Variants in KAZN observed in about 807,000 individuals in gnomAD.
KAZN encodes kazrin, periplakin interacting protein.
Under a neutral mutation model 87.4 loss-of-function variants are expected in KAZN, and 40 were observed. That is an observed-to-expected ratio of 0.46 (90% confidence interval 0.36 to 0.60). The LOEUF is 0.60. Ranked by LOEUF, KAZN falls within the 20% of genes least tolerant of loss-of-function variation. The probability of loss-of-function intolerance (pLI) is 0.00; values close to 1 mark genes in which losing one functional copy is unlikely to be tolerated. For synonymous variants in KAZN, 466 were observed against 458.3 expected (o/e 1.02, Z -0.22); for missense variants, 898 against 1,073.9 (o/e 0.84, Z 2.29).
Position 14,720,207 on chromosome 1 carries a change from C to G in KAZN, c.226+120984C>G, listed in dbSNP as rs149645194. On this transcript the variant is annotated intron_variant, in intron 1 of 14. Coordinates refer to ENST00000376030, the MANE Select transcript of KAZN (RefSeq NM_201628.3). ...CACTTCTTGTGAATGCCACCCTTAG[C>G]GCCTACTTGGTGCAGCTTTAACTTG... 6.6e-5 allele frequency among the ~76,000 whole-genome samples: 10 copies of G among 152,332 alleles called. No homozygotes were observed. The Middle Eastern group carries it at 0.01, about 155-fold the overall frequency.
chr1:14,418,048 A>T (rs895127414), intron 2 of KAZN, among the ~76,000 whole-genome samples: 1 of 133,130 alleles, frequency 7.5e-6, no homozygotes, highest in Non-Finnish European at 1.6e-5. Flanking sequence ...AAAAAAACCT[A>T]CATCGAAAGA....
intron 1 of KAZN, among the ~76,000 whole-genome samples, chr1:14,943,718 ATG>A (rs1661407506): frequency 6.6e-6 from 1 of 152,210 alleles, no homozygotes; most frequent in Non-Finnish European, 1.5e-5. Flanking sequence ...TTGCTTGGAG[ATG>A]TGTTTCTAGC....
At chr1:14,747,734 C>A (rs757639711) in intron 1 of KAZN, among the ~76,000 whole-genome samples, 2 of 152,214 alleles carry the variant, frequency 1.3e-5, no homozygotes, top group Non-Finnish European at 2.9e-5. Flanking sequence ...AGGAGTGGAA[C>A]TGCTGGGTCA....
chr1:13,988,004 C>G (rs1639099361), intron 1 of KAZN, among the ~76,000 whole-genome samples: 2 of 152,160 alleles, frequency 1.3e-5, no homozygotes, highest in Admixed American at 6.5e-5. Flanking sequence ...AGAAAACTCA[C>G]AATTTCAAGC....
At chr1:14,833,979 AC>A in intron 1 of KAZN, among the ~76,000 whole-genome samples, 2 of 147,846 alleles carry the variant, frequency 1.4e-5, no homozygotes, top group Non-Finnish European at 3.0e-5. Flanking sequence ...TCACACACAC[AC>A]ACACACACAC....
chr1:14,389,380 A>G (rs567388047), intron 2 of KAZN, among the ~76,000 whole-genome samples: 3 of 152,350 alleles, frequency 2.0e-5, no homozygotes, highest in South Asian at 4.1e-4. Flanking sequence ...GGAAATCTGT[A>G]TATCAAAGTG....
At chr1:14,803,962 G>A (rs148211377) in intron 1 of KAZN, among the ~76,000 whole-genome samples, 8 of 152,230 alleles carry the variant, frequency 5.3e-5, no homozygotes, top group East Asian at 3.9e-4. Flanking sequence ...CACCCAGAAA[G>A]ATAAACACTG....
chr1:14,554,856 A>C (rs953899989), intron 2 of KAZN, among the ~76,000 whole-genome samples: 2 of 152,228 alleles, frequency 1.3e-5, no homozygotes, highest in African/African-American at 4.8e-5. Flanking sequence ...TTATTCACAC[A>C]CCGACGTCGA....
chr1:14,277,670 A>G lies in KAZN; in HGVS notation c.249+97078A>G, dbSNP rs560649564. On this transcript the variant is annotated intron_variant, in intron 2 of 16. Coordinates refer to the KAZN transcript ENST00000636203. ...GAGCGAGACTCCCTCTTGAAAAAAA[A>G]AAAAAAAGAAAAAAGAAAGAACAGG... Among the ~76,000 whole-genome samples, 8 of 140,016 alleles carry G rather than the reference A, an allele frequency of 5.7e-5. No homozygotes were observed. In the South Asian group the frequency reaches 1.0e-3, roughly 18 times the overall value. 91.9% of individuals were successfully genotyped at this position (140,016 alleles called of 152,430 possible).
At chr1:14,490,919 T>C (rs1344708779) in intron 2 of KAZN, among the ~76,000 whole-genome samples, 4 of 152,224 alleles carry the variant, frequency 2.6e-5, no homozygotes, top group Admixed American at 2.6e-4. Context: ...TTTAGAATCA[T>C]TTGGTCACAT....
chr1:14,384,419 T>A (rs892888013), intron 2 of KAZN, among the ~76,000 whole-genome samples: 2 of 152,056 alleles, frequency 1.3e-5, no homozygotes, highest in Admixed American at 1.3e-4. Flanking sequence ...TGCTTCCAGT[T>A]TTTGCCCATT....
At chr1:14,832,250 C>T (rs1329982271) in intron 1 of KAZN, among the ~76,000 whole-genome samples, 1 of 151,980 alleles carries the variant, frequency 6.6e-6, no homozygotes, top group Non-Finnish European at 1.5e-5. Flanking sequence ...AAGCTACAGG[C>T]ATGGCTGAAT....
chr1:14,678,950 A>C (rs1640405418), intron 1 of KAZN, among the ~76,000 whole-genome samples: 1 of 152,248 alleles, frequency 6.6e-6, no homozygotes, highest in African/African-American at 2.4e-5. Flanking sequence ...GATTAATTAC[A>C]TAATCCCAAA....
At chr1:14,540,333 C>T (rs116780625) in intron 2 of KAZN, among the ~76,000 whole-genome samples, 4 of 152,260 alleles carry the variant, frequency 2.6e-5, no homozygotes, top group African/African-American at 7.2e-5. Flanking sequence ...CTTAGGTGAG[C>T]CTGCAAGGAA....
chr1:14,598,935 G>T lies in KAZN; in HGVS notation c.-63G>T. The T allele has an allele frequency of 6.4e-6, 10 of 1,554,668 alleles. No homozygotes were observed. The highest frequency in any genetic ancestry group is 8.7e-6 in the Non-Finnish European group (10 of 1,155,050). On this transcript the variant is annotated 5_prime_UTR_variant, in exon 1 of 15. Coordinates refer to ENST00000376030, the MANE Select transcript of KAZN (RefSeq NM_201628.3). The surrounding 1 kb of genome is among the most constrained non-coding windows in gnomAD (Gnocchi z 4.2). ...GGTAGAGCCGGGGGTGCCCGGCCGC[G>T]CGCCCCCCGCGCATCATGCAGCTCT...
intron 2 of KAZN, among the ~76,000 whole-genome samples, chr1:14,189,838 A>G (rs1646387146): frequency 2.0e-5 from 3 of 152,150 alleles, no homozygotes; most frequent in Non-Finnish European, 4.4e-5. Flanking sequence ...AATCAGCACA[A>G]GGTTTCTTAG....
intron 1 of KAZN, among the ~76,000 whole-genome samples, chr1:14,805,871 A>G (rs970000010): frequency 2.0e-5 from 3 of 152,066 alleles, no homozygotes; most frequent in Non-Finnish European, 4.4e-5. Flanking sequence ...AGAATATTCC[A>G]TAACTGCACT....
At chr1:14,447,677 A>G (rs1667061026) in intron 2 of KAZN, among the ~76,000 whole-genome samples, 1 of 152,002 alleles carries the variant, frequency 6.6e-6, no homozygotes. Context: ...CCTAAAGCTG[A>G]GATTCTGGCT....
At chr1:14,879,437 C>A (rs1434397009) in intron 1 of KAZN, among the ~76,000 whole-genome samples, 1 of 152,144 alleles carries the variant, frequency 6.6e-6, no homozygotes, top group Non-Finnish European at 1.5e-5. Context: ...GTAAACTGCT[C>A]AGTGCTACGT....
Sources: gnomAD v4.1 joint callset for allele counts (sites outside exome capture counted in the v4.1 genomes callset) on GRCh38, gnomAD v4.1.1 for gene constraint, Gnocchi (gnomAD v3.1) non-coding constraint, MANE v1.5 for transcripts, NCBI Gene and HGNC (gene_info 2026-07-23, HGNC 2026-07-21) for gene names.